The following CRTC1 variants were observed in gnomAD, a reference collection of about 807,000 sequenced individuals.
CRTC1 encodes CREB-regulated transcription coactivator 1.
In CRTC1, 18 loss-of-function variants were observed where a neutral mutation model predicts 66.1. The ratio of observed to expected loss-of-function variants is 0.27; its 90% CI spans 0.19 to 0.40. The LOEUF (loss-of-function observed/expected upper bound fraction) is 0.40, where lower values mean the gene tolerates loss of function less well. Among genes scored for constraint, CRTC1 ranks in the 10% least tolerant of loss-of-function variants. The pLI, the probability that CRTC1 is intolerant of heterozygous loss-of-function variation, is 1.00. For missense variants in CRTC1, 669 were observed against 887.9 expected (o/e 0.75, Z 3.13); for synonymous variants, 416 against 398.8 (o/e 1.04, Z -0.51).
At chr19:18,761,035 C>T (rs2054602773) in intron 8 of CRTC1, among the ~76,000 whole-genome samples, 1 of 152,122 alleles carries the variant, frequency 6.6e-6, no homozygotes, top group African/African-American at 2.4e-5. Context: ...CTGGGATGTC[C>T]ACCCTGGCCC....
intron 1 of CRTC1, among the ~76,000 whole-genome samples, chr19:18,699,496 C>T (rs1174613688): frequency 6.6e-6 from 1 of 152,146 alleles, no homozygotes; most frequent in Non-Finnish European, 1.5e-5. Flanking sequence ...ACTGGGGTGG[C>T]CCGGTGAGTT....
intron 1 of CRTC1, among the ~76,000 whole-genome samples, chr19:18,706,383 T>G (rs1486079142): frequency 6.6e-6 from 1 of 150,610 alleles, no homozygotes; most frequent in African/African-American, 2.5e-5. Context: ...TTTTTGTATT[T>G]TTAGTAGAGA....
chr19:18,765,317 C>T, intron 8 of CRTC1, 87 bp from the exon 9 acceptor site: 3 of 1,517,504 alleles, frequency 2.0e-6, no homozygotes, highest in Non-Finnish European at 2.7e-6. Flanking sequence ...GAGCTATTCC[C>T]ATGCAGTGTG....
intron 1 of CRTC1, among the ~76,000 whole-genome samples, chr19:18,722,376 C>T (rs1241100249): frequency 6.6e-6 from 1 of 152,108 alleles, no homozygotes; most frequent in East Asian, 1.9e-4. Context: ...AGTCCTGGAA[C>T]GTGTGACTCT....
At chr19:18,753,048 G>A (rs1383849049) in intron 5 of CRTC1, among the ~76,000 whole-genome samples, 2 of 151,880 alleles carry the variant, frequency 1.3e-5, no homozygotes, top group Non-Finnish European at 2.9e-5. Flanking sequence ...GGCGGATCAT[G>A]AGGTCAGGAG....
At chr19:18,687,450 C>T (rs1193671497) in intron 1 of CRTC1, among the ~76,000 whole-genome samples, 2 of 152,170 alleles carry the variant, frequency 1.3e-5, no homozygotes, top group African/African-American at 2.4e-5. Flanking sequence ...TGGCAGGCTG[C>T]GACCAGGGTG....
chr19:18,758,500 C>T (rs2054543447), intron 6 of CRTC1, among the ~76,000 whole-genome samples: 1 of 152,158 alleles, frequency 6.6e-6, no homozygotes, highest in African/African-American at 2.4e-5. Context: ...CCGAAAGTGT[C>T]CTGACAGTGC....
At chr19:18,707,979 T>C (rs1305349220) in intron 1 of CRTC1, among the ~76,000 whole-genome samples, 2 of 152,260 alleles carry the variant, frequency 1.3e-5, no homozygotes, top group Admixed American at 1.3e-4. Flanking sequence ...TGAACAGTCC[T>C]CAGGACTGTA....
intron 6 of CRTC1, among the ~76,000 whole-genome samples, chr19:18,758,188 C>T (rs890459953): frequency 8.6e-5 from 13 of 150,784 alleles, no homozygotes; most frequent in Non-Finnish European, 1.9e-4. Flanking sequence ...GGTGAAACCC[C>T]GTCTCTACTA....
chr19:18,742,880 C>T (rs1470279600), intron 1 of CRTC1, 30 bp from the exon 2 acceptor site: 9 of 1,556,008 alleles, frequency 5.8e-6, no homozygotes, highest in Non-Finnish European at 8.0e-6. Context: ...GAGGTGACCC[C>T]TCCCGCAGCT....
At chr19:18,749,928 T>TAACC in intron 5 of CRTC1, 53 bp downstream of exon 5, 2 of 1,415,416 alleles carry the variant, frequency 1.4e-6, no homozygotes. Context: ...GTCCAGCAGG[T>TAACC]AACCCCTGTT....
At chr19:18,695,729 G>T (rs2052968992) in intron 1 of CRTC1, among the ~76,000 whole-genome samples, 2 of 152,174 alleles carry the variant, frequency 1.3e-5, no homozygotes, top group Non-Finnish European at 2.9e-5. Context: ...GCTGGGCGTG[G>T]TGGTGGGCGC....
chr19:18,732,590 C>A (rs2053914810), intron 1 of CRTC1, among the ~76,000 whole-genome samples: 1 of 152,158 alleles, frequency 6.6e-6, no homozygotes, highest in South Asian at 2.1e-4. Flanking sequence ...TCTGGCAGGG[C>A]TTCCTGGGGA....
At chr19:18,772,081 C>T (rs968970413) in intron 11 of CRTC1, among the ~76,000 whole-genome samples, 5 of 152,186 alleles carry the variant, frequency 3.3e-5, no homozygotes, top group Non-Finnish European at 7.4e-5. Flanking sequence ...GTCCCCATTC[C>T]ACAGACGGGA....
In CRTC1 at chr19:18,777,429, C is replaced by T; in HGVS notation, c.*47C>T. On this transcript the variant is annotated 3_prime_UTR_variant, in exon 14 of 14. Transcript: ENST00000321949. The surrounding 1 kb of genome is among the most constrained non-coding windows in gnomAD (Gnocchi z 5.5). ...CGCTCAGCCGTCCCGACGGCGCCTC[C>T]CCAGCCCGGGGACGGCCGTGCTCCG... 1 of 1,547,710 alleles carries T rather than the reference C, an allele frequency of 6.5e-7. No homozygotes were observed. Among genetic ancestry groups the T allele is most frequent in the Non-Finnish European group, 8.8e-7 (1 of 1,133,834 alleles).
chr19:18,763,632 G>A (rs190498887), intron 8 of CRTC1, among the ~76,000 whole-genome samples: 22 of 152,334 alleles, frequency 1.4e-4, no homozygotes, highest in Admixed American at 1.2e-3. Flanking sequence ...GGGAATGCCC[G>A]TAGAACACCA....
At chr19:18,748,833 C>A (rs2054303073) in intron 4 of CRTC1, among the ~76,000 whole-genome samples, 1 of 152,022 alleles carries the variant, frequency 6.6e-6, no homozygotes, top group African/African-American at 2.4e-5. Flanking sequence ...ATATTAAATT[C>A]TCACCAAGCC....
chr19:18,759,480 G>C (rs1470725727), intron 6 of CRTC1, 71 bp from the exon 7 acceptor site: 1 of 1,499,914 alleles, frequency 6.7e-7, no homozygotes, highest in Non-Finnish European at 9.2e-7. Context: ...GTTTCAAGGA[G>C]GCCCAGTGCC....
intron 1 of CRTC1, among the ~76,000 whole-genome samples, chr19:18,725,080 C>CACCCAGGAGTCCCCTGT (rs1332621520): frequency 6.6e-6 from 1 of 152,080 alleles, no homozygotes. Context: ...CCTGAGTACA[C>CACCCAGGAGTCCCCTGT]ACCCAGGAGA....
Sources: allele counts gnomAD v4.1 joint callset (sites outside exome capture counted in the v4.1 genomes callset), GRCh38; gene constraint gnomAD v4.1.1; non-coding constraint Gnocchi (gnomAD v3.1); transcripts MANE v1.5; gene names NCBI Gene and HGNC (gene_info 2026-07-23, HGNC 2026-07-21).